Variants in AKR1B1 observed in about 807,000 individuals in gnomAD.
AKR1B1 encodes the protein aldo-keto reductase family 1 member B1.
A neutral mutation model predicts 40.4 loss-of-function variants in AKR1B1; 22 were observed. The ratio of observed to expected loss-of-function variants is 0.54; its 90% CI spans 0.39 to 0.78. The LOEUF (loss-of-function observed/expected upper bound fraction) is 0.78, where lower values mean the gene tolerates loss of function less well. Ranked by LOEUF, AKR1B1 falls within the 30% of genes least tolerant of loss-of-function variation. The probability of loss-of-function intolerance (pLI) is 0.00; values close to 1 mark genes in which losing one functional copy is unlikely to be tolerated. For missense variants in AKR1B1, 357 were observed against 396.7 expected (o/e 0.90, Z 0.85); for synonymous variants, 157 against 149.9 (o/e 1.05, Z -0.35).
intron 2 of AKR1B1, 100 bp downstream of exon 2, chr7:134,451,486 T>G: frequency 2.8e-6 from 4 of 1,428,922 alleles, no homozygotes; most frequent in Admixed American, 3.4e-5. Flanking sequence ...CGCCCATCAG[T>G]GAAAAGTGTA....
chr7:134,453,826 C>G (rs1334204050), intron 1 of AKR1B1, among the ~76,000 whole-genome samples: 2 of 152,162 alleles, frequency 1.3e-5, no homozygotes, highest in Non-Finnish European at 2.9e-5. Context: ...CAACCACATT[C>G]TATGTTAATG....
At chr7:134,452,776 C>CT (rs1806329546) in intron 1 of AKR1B1, among the ~76,000 whole-genome samples, 1 of 152,190 alleles carries the variant, frequency 6.6e-6, no homozygotes, top group African/African-American at 2.4e-5. Context: ...CTGCAGACAT[C>CT]TGTGTTTTGA....
At chr7:134,458,873 T>G in intron 1 of AKR1B1, 124 bp downstream of exon 1, 1 of 1,150,922 alleles carries the variant, frequency 8.7e-7, no homozygotes, top group African/African-American at 1.5e-5. Flanking sequence ...AGCCCGCGCG[T>G]GGCTCCCAGC....
In AKR1B1 at chr7:134,449,735, A is replaced by G; in HGVS notation, c.414T>C (p.Ile138=). 1 of 1,614,070 alleles carries G rather than the reference A, an allele frequency of 6.2e-7. No homozygotes were observed. Among genetic ancestry groups the G allele is most frequent in the Non-Finnish European group, 8.5e-7 (1 of 1,179,928 alleles). ...GCTGTCTTACCGCCCACGTGTCCAG[A>G]ATGTTGGTGTCACTGGGAACCACAT... ...SGNVVPSDTN[I]LDTWAAMEEL... The change falls in exon 4 of 10, where the codon ATT becomes ATC. Residue 138 remains isoleucine, a synonymous_variant. Transcript: ENST00000285930.
At chr7:134,451,285 G>A in intron 2 of AKR1B1, 1 of 536,554 alleles carries the variant, frequency 1.9e-6, no homozygotes, top group South Asian at 2.0e-5. Context: ...GATTCAGTTT[G>A]CAGATGGGAA....
At chr7:134,447,585 C>A (rs1806143788) in intron 7 of AKR1B1, 3 of 653,284 alleles carry the variant, frequency 4.6e-6, no homozygotes, top group Non-Finnish European at 8.4e-6. Flanking sequence ...CTGCGCTAGC[C>A]ACTGTGCCAC....
intron 9 of AKR1B1, among the ~76,000 whole-genome samples, chr7:134,444,326 C>A (rs1443755111): frequency 6.6e-6 from 1 of 152,222 alleles, no homozygotes; most frequent in Non-Finnish European, 1.5e-5. Flanking sequence ...CACGCATATG[C>A]CTGAAGCAGG....
At chr7:134,451,916 C>T (rs1213202796) in intron 1 of AKR1B1, 163 bp from the exon 2 acceptor site, 6 of 749,872 alleles carry the variant, frequency 8.0e-6, no homozygotes, top group Admixed American at 4.1e-5. Flanking sequence ...CAGCCTCAGA[C>T]GCGGGGGATG....
In AKR1B1 at chr7:134,442,600, C is replaced by A; in HGVS notation, c.*128G>T. 1 of 825,652 alleles carries A rather than the reference C, an allele frequency of 1.2e-6. No homozygotes were observed. The highest frequency in any genetic ancestry group is 1.6e-5 in the South Asian group (1 of 63,548). The allele number at this position is 825,652 out of a possible 1,614,324, so 51.1% of individuals were successfully genotyped here. A position where few individuals can be genotyped will look rare whatever the true frequency, so the allele number is the denominator to read the frequency against. ...GATCCAACATCAAGCTAGACACGCCCTCGCTGGCCACTCTACAGGTTGCTG... is the reference window on the plus strand; with the variant it reads ...GATCCAACATCAAGCTAGACACGCCATCGCTGGCCACTCTACAGGTTGCTG... On this transcript the variant is annotated 3_prime_UTR_variant, in exon 10 of 10. Transcript: ENST00000285930.
chr7:134,454,665 T>C (rs1019085160), intron 1 of AKR1B1, among the ~76,000 whole-genome samples: 5 of 152,160 alleles, frequency 3.3e-5, no homozygotes, highest in African/African-American at 9.7e-5. Context: ...ATTTTTGAAA[T>C]GTTCTCTAGT....
chr7:134,447,871 T>C, intron 7 of AKR1B1, 109 bp downstream of exon 7: 1 of 975,348 alleles, frequency 1.0e-6, no homozygotes. Flanking sequence ...CCCCTAACCA[T>C]ACTTCCTGTG....
chr7:134,451,379 A>C, intron 2 of AKR1B1: 3 of 652,384 alleles, frequency 4.6e-6, no homozygotes, highest in Non-Finnish European at 8.2e-6. Flanking sequence ...ACTCTAAGCA[A>C]TGGGCCCAGA....
At position 134,449,946 on chromosome 7, in the gene AKR1B1, A is replaced by G. The variant is rs1013662936; in HGVS notation, c.352-149T>C. On this transcript the variant is annotated intron_variant, in intron 3 of 9. Transcript: ENST00000285930. ...GCCACTATGAAAAGGAAATAGGCAG[A>G]TAGCCAACACTTCTTTATCAAACGG... 3 of 730,954 alleles carry G rather than the reference A, an allele frequency of 4.1e-6. No individual in the cohort carries two copies. In the Admixed American group the frequency reaches 5.9e-5, roughly 14 times the overall value. The allele number at this position is 730,954 out of a possible 1,614,324, so 45.3% of individuals were successfully genotyped here.
intron 5 of AKR1B1, among the ~76,000 whole-genome samples, 191 bp downstream of exon 5, chr7:134,448,806 C>G (rs1806190026): frequency 6.6e-6 from 1 of 152,118 alleles, no homozygotes; most frequent in African/African-American, 2.4e-5. Flanking sequence ...AAGCCAGGCT[C>G]AAACTCTTTC....
intron 2 of AKR1B1, chr7:134,451,301 T>A (rs1276351236): frequency 1.8e-6 from 1 of 546,038 alleles, no homozygotes; most frequent in African/African-American, 1.9e-5. Flanking sequence ...GGGAACCAAG[T>A]TCCATCCTTG....
At chr7:134,447,690 A>G (rs2854851) in intron 7 of AKR1B1, 1 of 610,018 alleles carries the variant, frequency 1.6e-6, no homozygotes, top group African/African-American at 1.8e-5. Flanking sequence ...CATTCCCTGC[A>G]CGGCTAAGAG....
rs1005653369 is a variant in AKR1B1, at chr7:134,442,906, G to T, written c.909-136C>A. 85 of 834,794 alleles carry T rather than the reference G, an allele frequency of 1.0e-4. 1 individual carries two copies. Among genetic ancestry groups the T allele is most frequent in the Middle Eastern group, 2.2e-4 (1 of 4,530 alleles). 51.7% of individuals were successfully genotyped at this position (834,794 alleles called of 1,614,324 possible). Reference sequence around the variant, plus strand: ...GAGGCAACAAGCTAGTTCTGAGTGTGCAGATGATGGTTCTGCAGCTGGGGG... The same window carrying T: ...GAGGCAACAAGCTAGTTCTGAGTGTTCAGATGATGGTTCTGCAGCTGGGGG... On this transcript the variant is annotated intron_variant, in intron 9 of 9. Coordinates refer to ENST00000285930, the MANE Select transcript of AKR1B1 (RefSeq NM_001628.4).
intron 9 of AKR1B1, chr7:134,445,025 C>A: frequency 3.1e-6 from 2 of 638,642 alleles, no homozygotes; most frequent in South Asian, 3.6e-5. Context: ...TGCCCCAGGG[C>A]TGGAAGAAGA....
intron 1 of AKR1B1, 119 bp downstream of exon 1, chr7:134,458,878 C>G: frequency 1.6e-6 from 2 of 1,219,770 alleles, no homozygotes; most frequent in South Asian, 1.3e-5. Flanking sequence ...GCGCGTGGCT[C>G]CCAGCACGCC....
Sources: gnomAD v4.1 joint callset for allele counts (sites outside exome capture counted in the v4.1 genomes callset) on GRCh38, gnomAD v4.1.1 for gene constraint, MANE v1.5 for transcripts, NCBI Gene and HGNC (gene_info 2026-07-23, HGNC 2026-07-21) for gene names.